Variants in SCD5 observed in about 807,000 individuals in gnomAD.
SCD5 encodes the protein acyl-CoA-desaturase 4.
In SCD5, 20 loss-of-function variants were observed where a neutral mutation model predicts 30.4. That is an observed-to-expected ratio of 0.66 (90% confidence interval 0.46 to 0.96). SCD5 has a LOEUF of 0.96. Among genes scored for constraint, SCD5 ranks in the 40% least tolerant of loss-of-function variants. SCD5 has a pLI of 0.00. For synonymous variants in SCD5, 173 were observed against 176.4 expected (o/e 0.98, Z 0.16); for missense variants, 381 against 443.3 (o/e 0.86, Z 1.26).
intron 1 of SCD5, among the ~76,000 whole-genome samples, chr4:82,756,955 T>A (rs1218950527): frequency 1.3e-5 from 2 of 152,076 alleles, no homozygotes; most frequent in Non-Finnish European, 2.9e-5. Flanking sequence ...AGCCTCTGCC[T>A]CCTGGGCTCA....
chr4:82,778,620 T>C (rs1296112871), intron 1 of SCD5, among the ~76,000 whole-genome samples: 12 of 152,106 alleles, frequency 7.9e-5, no homozygotes, highest in Admixed American at 7.9e-4. Flanking sequence ...TGATGACCCT[T>C]TGATGTCCCC....
chr4:82,653,484 C>T (rs1727797151), intron 3 of SCD5, among the ~76,000 whole-genome samples: 2 of 152,130 alleles, frequency 1.3e-5, no homozygotes, highest in Admixed American at 6.6e-5. Flanking sequence ...CTCACTACCA[C>T]CTGGGATTCT....
At chr4:82,694,381 T>C (rs918725873) in intron 2 of SCD5, among the ~76,000 whole-genome samples, 1 of 152,212 alleles carries the variant, frequency 6.6e-6, no homozygotes, top group Non-Finnish European at 1.5e-5. Context: ...TGCCAAAGCT[T>C]TATGACTTTA....
intron 1 of SCD5, among the ~76,000 whole-genome samples, chr4:82,754,159 G>T (rs1218874076): frequency 6.6e-6 from 1 of 152,146 alleles, no homozygotes; most frequent in African/African-American, 2.4e-5. Context: ...TCCCCGTTTT[G>T]CAGGAGTTAA....
chr4:82,742,702 G>A (rs143281053), intron 1 of SCD5, among the ~76,000 whole-genome samples: 5,151 of 152,222 alleles, frequency 0.034, 290 homozygotes, highest in African/African-American at 0.12. Context: ...CATGAGAATC[G>A]CTTGAACCTG....
intron 1 of SCD5, among the ~76,000 whole-genome samples, chr4:82,710,153 G>A (rs1488626620): frequency 6.6e-6 from 1 of 152,136 alleles, no homozygotes; most frequent in Non-Finnish European, 1.5e-5. Context: ...ATCAGAAATG[G>A]GGGCCAGACA....
intron 4 of SCD5, among the ~76,000 whole-genome samples, chr4:82,635,255 T>C (rs6837562): frequency 0.26 from 39,724 of 152,086 alleles, 6,180 homozygotes; most frequent in African/African-American, 0.43. Flanking sequence ...ATCCCTGCTA[T>C]GATTAAAACG....
intron 1 of SCD5, among the ~76,000 whole-genome samples, chr4:82,717,288 C>T (rs1039256994): frequency 8.6e-5 from 13 of 151,538 alleles, no homozygotes; most frequent in African/African-American, 3.2e-4. Context: ...TTTTTTTGAA[C>T]CGGGTCCTCA....
chr4:82,659,199 ATTGTGTCTATCTGATTCT>A (rs2148816381), intron 3 of SCD5, among the ~76,000 whole-genome samples: 1 of 151,714 alleles, frequency 6.6e-6, no homozygotes, highest in Admixed American at 6.6e-5. Flanking sequence ...ATCATTTTTT[ATTGTGTCTATCTGATTCT>A]TCTCCCTTTT....
intron 3 of SCD5, among the ~76,000 whole-genome samples, chr4:82,651,185 T>C (rs181302246): frequency 1.3e-5 from 2 of 152,318 alleles, no homozygotes; most frequent in Admixed American, 1.3e-4. Context: ...TGAAAGGGTC[T>C]TGGGGACCCA....
chr4:82,791,419 A>T (rs1722096212), intron 1 of SCD5, among the ~76,000 whole-genome samples: 1 of 151,938 alleles, frequency 6.6e-6, no homozygotes, highest in Non-Finnish European at 1.5e-5. Context: ...AAATTGGAAA[A>T]AAAAAAAAAC....
chr4:82,697,924 T>A (rs1719730260), intron 2 of SCD5: 1 of 446,098 alleles, frequency 2.2e-6, no homozygotes, highest in Non-Finnish European at 4.5e-6. Context: ...CCAAGCTATT[T>A]GCTCTTTTCT....
At chr4:82,746,863 G>C (rs1019674887) in intron 1 of SCD5, among the ~76,000 whole-genome samples, 3 of 152,084 alleles carry the variant, frequency 2.0e-5, no homozygotes, top group African/African-American at 7.2e-5. Flanking sequence ...TTACACTCAA[G>C]GGTTGCATTT....
chr4:82,631,938 A>C (rs1230180452), intron 4 of SCD5, among the ~76,000 whole-genome samples: 3 of 152,204 alleles, frequency 2.0e-5, no homozygotes, highest in Non-Finnish European at 4.4e-5. Context: ...TAAGTAAATT[A>C]AATATCTTTA....
intron 1 of SCD5, among the ~76,000 whole-genome samples, chr4:82,772,857 C>T (rs1721656963): frequency 1.3e-5 from 2 of 152,132 alleles, no homozygotes; most frequent in Admixed American, 1.3e-4. Context: ...TTATTCATTG[C>T]CTCTCATAGT....
chr4:82,684,737 G>A (rs1303400445), intron 2 of SCD5, among the ~76,000 whole-genome samples: 6 of 152,194 alleles, frequency 3.9e-5, no homozygotes, highest in East Asian at 1.9e-4. Context: ...TACCCCCAGC[G>A]GTATCCTGAT....
chr4:82,737,245 T>G (rs1720770937), intron 1 of SCD5, among the ~76,000 whole-genome samples: 3 of 152,246 alleles, frequency 2.0e-5, no homozygotes, highest in Admixed American at 2.0e-4. Context: ...TTCTTATAAT[T>G]ACTAAGGAGG....
In SCD5 at chr4:82,631,439, G is replaced by A. The variant is rs376923296; in HGVS notation, c.881C>T (p.Thr294Ile). 50 of 1,614,216 alleles carry A rather than the reference G, an allele frequency of 3.1e-5. No individual in the cohort carries two copies. The highest frequency in any genetic ancestry group is 4.0e-5 in the Non-Finnish European group (47 of 1,180,042). Residue 294 changes from threonine (T) to isoleucine (I), a missense_variant, in exon 5 of 5, where the codon ACC becomes ATC. Coordinates refer to ENST00000319540, the MANE Select transcript of SCD5 (RefSeq NM_001037582.3). ...ASEFGLNFNP[T>I]TWFIDFMCWL... ...GCACATGAAATCAATGAACCAGGTG[G>A]TTGGGTTAAAATTTAAGCCAAATTC... is the stretch of plus-strand genomic sequence containing the variant.
intron 3 of SCD5, among the ~76,000 whole-genome samples, 154 bp downstream of exon 3, chr4:82,680,553 G>C (rs942605599): frequency 6.6e-6 from 1 of 152,184 alleles, no homozygotes; most frequent in African/African-American, 2.4e-5. Context: ...TGAGCAAAAG[G>C]AAATTAATAA....
Sources: gnomAD v4.1 joint callset for allele counts (sites outside exome capture counted in the v4.1 genomes callset) on GRCh38, gnomAD v4.1.1 for gene constraint, MANE v1.5 for transcripts, NCBI Gene and HGNC (gene_info 2026-07-23, HGNC 2026-07-21) for gene names.